Variants in C16orf90 observed in about 807,000 individuals in gnomAD.
C16orf90 encodes uncharacterized protein C16orf90.
C16orf90 carries 17 observed loss-of-function variants against 17.1 expected under a neutral mutation model. The observed-to-expected ratio is 1.00, with a 90% CI of 0.68 to 1.49. The LOEUF (loss-of-function observed/expected upper bound fraction) is 1.49, where lower values mean the gene tolerates loss of function less well. Among genes scored for constraint, C16orf90 ranks in the 40% most tolerant of loss-of-function variants. The probability of loss-of-function intolerance (pLI) is 0.00; values close to 1 mark genes in which losing one functional copy is unlikely to be tolerated. For synonymous variants in C16orf90, 108 were observed against 95.8 expected (o/e 1.13, Z -0.75); for missense variants, 255 against 235.5 (o/e 1.08, Z -0.54).
In C16orf90 at chr16:3,495,431, G is replaced by T. The variant is rs1298408155; in HGVS notation, c.-10C>A. ...AGACCAAGGCTTCCATGGAGGGCCA[G>T]TGTGGTGGGGAGGAGCAACCAGGAC... On this transcript the variant is annotated 5_prime_UTR_variant, in exon 1 of 3. It adds an upstream start codon to the 5' untranslated region. Coordinates refer to ENST00000437192, the MANE Select transcript of C16orf90 (RefSeq NM_001080524.2). The T allele has an allele frequency of 1.2e-6, 2 of 1,609,506 alleles. No homozygotes were observed. Among genetic ancestry groups the T allele is most frequent in the African/African-American group, 1.3e-5 (1 of 75,020 alleles).
chr16:3,495,337 C>G, intron 1 of C16orf90, 39 bp downstream of exon 1: 3 of 1,580,804 alleles, frequency 1.9e-6, no homozygotes, highest in South Asian at 1.2e-5. Context: ...GGACAGAAGC[C>G]TATCTCTCTT....
At chr16:3,496,436 A>G (rs2151033819), upstream of C16orf90, 1 of 1,026,862 alleles carries the variant, frequency 9.7e-7, no homozygotes, top group East Asian at 3.6e-5. Flanking sequence ...CTGGGAAAAC[A>G]AAACGGCCGT....
At position 3,495,358 on chromosome 16, in the gene C16orf90, C is replaced by G. The variant is rs778545783; in HGVS notation, c.46+18G>C. The G allele has an allele frequency of 1.3e-6, 2 of 1,599,808 alleles. No homozygotes were observed. Among genetic ancestry groups the G allele is most frequent in the Non-Finnish European group, 1.7e-6 (2 of 1,172,670 alleles). Reference sequence around the variant, plus strand: ...AAGCCTATCTCTCTTCCTGCCACTCCTCCCCACAGCCCGGCACCTTCTCTT... The same window carrying G: ...AAGCCTATCTCTCTTCCTGCCACTCGTCCCCACAGCCCGGCACCTTCTCTT... On this transcript the variant is annotated intron_variant, in intron 1 of 2. Transcript: ENST00000437192.
In C16orf90 at chr16:3,494,651, GC is replaced by G; in HGVS notation, c.272del (p.Gly91AlafsTer170). 3 of 1,606,452 alleles carry G rather than the reference GC, an allele frequency of 1.9e-6. No individual in the cohort carries two copies. Among genetic ancestry groups the G allele is most frequent in the Non-Finnish European group, 2.5e-6 (3 of 1,178,294 alleles). Reference sequence around the variant, plus strand: ...CTGTGCCCTCAGGCTGTGGCAGGCAGCCCCCAGCCATAAGCCGGCCCAGCCA... The same window carrying G: ...CTGTGCCCTCAGGCTGTGGCAGGCAGCCCCAGCCATAAGCCGGCCCAGCCA... ...SHWLGRLMAG[G>X]CLPQPEGTAW... On this transcript the variant is annotated frameshift_variant, in exon 2 of 3. Coordinates refer to ENST00000437192, the MANE Select transcript of C16orf90 (RefSeq NM_001080524.2). LOFTEE classifies it high-confidence loss of function.
chr16:3,496,496 A>G (rs1398204520), upstream of C16orf90: 16 of 660,932 alleles, frequency 2.4e-5, 1 homozygote, highest in Admixed American at 3.0e-4. Flanking sequence ...AGGTGCCCAA[A>G]CTTAAGGTGT....
intron 1 of C16orf90, 39 bp from the exon 2 acceptor site, chr16:3,494,916 C>A (rs755406779): frequency 9.2e-6 from 13 of 1,416,576 alleles, no homozygotes; most frequent in African/African-American, 1.4e-5. Context: ...GCCAGCCCCC[C>A]ACAGCAGCCA....
At chr16:3,496,103 T>G (rs2037305091), upstream of C16orf90, 1 of 365,930 alleles carries the variant, frequency 2.7e-6, no homozygotes, top group Non-Finnish European at 5.3e-6. Flanking sequence ...ATCGCGCCAC[T>G]GCACTCCAGC....
At chr16:3,494,078 C>T (rs2037268615) in intron 2 of C16orf90, 91 bp from the exon 3 acceptor site, 7 of 1,139,026 alleles carry the variant, frequency 6.1e-6, no homozygotes, top group South Asian at 1.5e-5. Context: ...TTCCAGAATC[C>T]GATATTCTTG....
At chr16:3,496,329 C>T (rs2037309244), upstream of C16orf90, 2 of 1,141,504 alleles carry the variant, frequency 1.8e-6, no homozygotes, top group Admixed American at 1.8e-5. Context: ...ACTAACTCCA[C>T]ATTCAACCAG....
At position 3,494,701 on chromosome 16, in the gene C16orf90, G is replaced by A. The variant is rs771487680; in HGVS notation, c.223C>T (p.Pro75Ser). Residue 75 changes from proline (P) to serine (S), a missense_variant, in exon 2 of 3, where the codon CCC becomes TCC. Pro to Ser is a moderately conservative substitution (Grantham distance 74, BLOSUM62 -1). Coordinates refer to ENST00000437192, the MANE Select transcript of C16orf90 (RefSeq NM_001080524.2). ...LGLYLESHPP[P>S]TGQCESHWLG... ...CAGTGGCTCTCACACTGGCCAGTGG[G>A]TGGCGGGTGGCTCTCCAGGTAGAGG... The A allele has an allele frequency of 1.2e-6, 2 of 1,609,618 alleles. No individual in the cohort carries two copies. The highest frequency in any genetic ancestry group is 1.7e-5 in the Admixed American group (1 of 59,630).
chr16:3,494,201 C>G (rs1386731734), intron 2 of C16orf90, among the ~76,000 whole-genome samples: 2 of 152,150 alleles, frequency 1.3e-5, no homozygotes, highest in Non-Finnish European at 2.9e-5. Context: ...AACCTGAACC[C>G]TCATTTTACA....
Position 3,493,836 on chromosome 16 carries a change from T to A in C16orf90, c.*3A>T. On this transcript the variant is annotated 3_prime_UTR_variant, in exon 3 of 3. Transcript: ENST00000437192. ...CTGTACCCAGTCCTGGCACTCGGGA[T>A]CCCTATGGCCTCTCCAGGGCCCCAG... 1 of 1,597,342 alleles carries A rather than the reference T, an allele frequency of 6.3e-7. No individual in the cohort carries two copies.
chr16:3,493,894 T>C lies in C16orf90; in HGVS notation c.494A>G (p.Glu165Gly). 6.2e-7 allele frequency: 1 copy of C among 1,608,416 alleles called. No homozygotes were observed. The highest frequency in any genetic ancestry group is 8.5e-7 in the Non-Finnish European group (1 of 1,177,532). ...RPKRSWGTWEEAMCPLCKRTR... is the reference protein window; with the variant it reads ...RPKRSWGTWEGAMCPLCKRTR... ...TCTCTTGCACAAGGGACACATGGCC[T>C]CTTCCCAGGTCCCCCAGGACCTCTT... Residue 165 changes from glutamate (E) to glycine (G), a missense_variant, in exon 3 of 3, where the codon GAG (glutamate) becomes GGG (glycine). By Grantham distance (98) the Glu-to-Gly change is moderately conservative. Transcript: ENST00000437192.
chr16:3,493,920 G>C lies in C16orf90; in HGVS notation c.468C>G (p.Pro156=), dbSNP rs1314942931. ...CTTCCCAGGTCCCCCAGGACCTCTT[G>C]GGCCTGAGCCTAGAAGGACTAGGCT... ...LPQPSPSRLR[P]KRSWGTWEEA... The change falls in exon 3 of 3, where the codon CCC becomes CCG. Residue 156 remains proline, a synonymous_variant. Transcript: ENST00000437192. The C allele has an allele frequency of 1.2e-6, 2 of 1,609,746 alleles. No individual in the cohort carries two copies. The highest frequency in any genetic ancestry group is 3.4e-5 in the Admixed American group (2 of 59,280).
upstream of C16orf90, chr16:3,495,612 G>A (rs1424748988): frequency 2.4e-6 from 3 of 1,260,274 alleles, no homozygotes; most frequent in African/African-American, 4.5e-5. Flanking sequence ...CAGGGTGAAA[G>A]AAAGGCATGG....
At chr16:3,495,984 C>CA (rs1282910908), upstream of C16orf90, among the ~76,000 whole-genome samples, 6 of 151,918 alleles carry the variant, frequency 3.9e-5, no homozygotes, top group African/African-American at 1.2e-4. Context: ...ACTAAAAATA[C>CA]AAAAAAATTA....
rs779793050 is a variant in C16orf90 at position 3,495,478 on chromosome 16, T to C, written c.-57A>G. 8.8e-6 allele frequency: 14 copies of C among 1,587,848 alleles called. No individual in the cohort carries two copies. The South Asian group carries it at 1.5e-4, about 17-fold the overall frequency. On this transcript the variant is annotated 5_prime_UTR_variant, in exon 1 of 3. Transcript: ENST00000437192. ...GGACTTGGGTGCAGCAGGGCCCTGCTCTCCCCTGCCTAGGGGGTACATTGG... is the reference window on the plus strand; with the variant it reads ...GGACTTGGGTGCAGCAGGGCCCTGCCCTCCCCTGCCTAGGGGGTACATTGG...
chr16:3,494,486 T>G, intron 2 of C16orf90, 38 bp downstream of exon 2: 2 of 1,565,700 alleles, frequency 1.3e-6, no homozygotes, highest in African/African-American at 1.4e-5. Context: ...TCCCCTAGGG[T>G]CTTCCCCCGT....
chr16:3,494,626 C>CT lies in C16orf90; in HGVS notation c.297dup (p.Ala100SerfsTer15), dbSNP rs776973659. On this transcript the variant is annotated frameshift_variant, in exon 2 of 3. Transcript: ENST00000437192. LOFTEE classifies it high-confidence loss of function. ...CCCTGTGGCAGGTCCAGGGCCCAGGCTGTGCCCTCAGGCTGTGGCAGGCAG... is the reference window on the plus strand; with the variant it reads ...CCCTGTGGCAGGTCCAGGGCCCAGGCTTGTGCCCTCAGGCTGTGGCAGGCAG... The CT allele has an allele frequency of 6.2e-7, 1 of 1,612,206 alleles. No individual in the cohort carries two copies. The highest frequency in any genetic ancestry group is 1.1e-5 in the South Asian group (1 of 91,036).
Sources: allele counts gnomAD v4.1 joint callset (sites outside exome capture counted in the v4.1 genomes callset), GRCh38; gene constraint gnomAD v4.1.1; transcripts MANE v1.5; gene names NCBI Gene and HGNC (gene_info 2026-07-23, HGNC 2026-07-21).